MYO1F: variants seen among roughly 807,000 people sequenced by gnomAD.
The protein encoded by MYO1F is myosin IF.
MYO1F carries 60 observed loss-of-function variants against 146.6 expected under a neutral mutation model. The observed-to-expected ratio is 0.41, with a 90% confidence interval of 0.33 to 0.51. MYO1F has a LOEUF of 0.51. Ranked by LOEUF, MYO1F falls within the 20% of genes least tolerant of loss-of-function variation. MYO1F has a pLI of 0.25. For synonymous variants in MYO1F, 602 were observed against 602.1 expected (o/e 1.00, Z 0.00); for missense variants, 1,274 against 1,534.3 (o/e 0.83, Z 2.83).
At chr19:8,562,163 C>T (rs866406413) in intron 1 of MYO1F, among the ~76,000 whole-genome samples, 4,032 of 145,168 alleles carry the variant, frequency 0.028, 205 homozygotes, top group African/African-American at 0.096. Flanking sequence ...CTAATTTTTT[C>T]TTTTTTTTTT....
intron 16 of MYO1F, among the ~76,000 whole-genome samples, chr19:8,538,172 G>A (rs555201186): frequency 6.6e-6 from 1 of 151,144 alleles, no homozygotes; most frequent in East Asian, 2.0e-4. Context: ...CACCATGTTG[G>A]CTGGGCTGGT....
rs755895884 is a variant in MYO1F, at chr19:8,525,451, G to A, written c.2854+28C>T. 4 of 1,597,218 alleles carry A rather than the reference G, an allele frequency of 2.5e-6. No homozygotes were observed. The African/African-American group carries it at 4.0e-5, about 16-fold the overall frequency. On this transcript the variant is annotated intron_variant, in intron 25 of 27. Coordinates refer to ENST00000644032, the MANE Select transcript of MYO1F (RefSeq NM_012335.4). ...GCCATGGGACCCACAACAGACAAGG[G>A]AATATAGCAAGGGACGCAGCTCCTC...
chr19:8,546,253 G>A (rs2145899755), intron 12 of MYO1F, among the ~76,000 whole-genome samples: 2 of 151,568 alleles, frequency 1.3e-5, no homozygotes, highest in Middle Eastern at 6.8e-3. Flanking sequence ...TAGTAGAGAT[G>A]GGGTTTCTCC....
chr19:8,560,565 T>G (rs1974048543), intron 1 of MYO1F, among the ~76,000 whole-genome samples: 1 of 151,658 alleles, frequency 6.6e-6, no homozygotes. Flanking sequence ...TGAGAAGGAT[T>G]TTTTTGTTTT....
intron 1 of MYO1F, among the ~76,000 whole-genome samples, chr19:8,574,039 C>G (rs1037325844): frequency 6.6e-6 from 1 of 152,100 alleles, no homozygotes; most frequent in Non-Finnish European, 1.5e-5. Flanking sequence ...CAAATGAACG[C>G]TACTACCAAC....
chr19:8,577,382 C>T lies in MYO1F; in HGVS notation c.-73G>A, dbSNP rs1555734108. On this transcript the variant is annotated 5_prime_UTR_variant, in exon 1 of 28. Coordinates refer to ENST00000644032, the MANE Select transcript of MYO1F (RefSeq NM_012335.4). The surrounding 1 kb of genome is among the most constrained non-coding windows in gnomAD (Gnocchi z 4.3). ...GATGGAGGTGCAGGTTCAGGGGGAT[C>T]TTGGGGGTGGCTTGGGCATGGCCCT... is the stretch of plus-strand genomic sequence containing the variant. 2.5e-6 allele frequency: 4 copies of T among 1,577,978 alleles called. No individual in the cohort carries two copies. In the Admixed American group the frequency reaches 6.7e-5, roughly 27 times the overall value.
intron 19 of MYO1F, among the ~76,000 whole-genome samples, chr19:8,533,762 G>T (rs1972590093): frequency 6.6e-6 from 1 of 152,154 alleles, no homozygotes; most frequent in African/African-American, 2.4e-5. Flanking sequence ...GTTGTGTTAA[G>T]CCATGGAGTT....
chr19:8,555,423 A>G, intron 2 of MYO1F: 1 of 425,708 alleles, frequency 2.3e-6, no homozygotes, highest in African/African-American at 2.1e-5. Context: ...ACAGGGTTGG[A>G]TCCGGAATGG....
chr19:8,528,088 G>C (rs557884887), intron 21 of MYO1F, among the ~76,000 whole-genome samples: 1 of 152,194 alleles, frequency 6.6e-6, no homozygotes, highest in East Asian at 1.9e-4. Context: ...TGGGCGAGGT[G>C]GTGGGCACCT....
intron 14 of MYO1F, 134 bp from the exon 15 acceptor site, chr19:8,542,125 A>G (rs1179801743): frequency 4.4e-6 from 3 of 678,492 alleles, no homozygotes; most frequent in Non-Finnish European, 8.0e-6. Context: ...GGCAGTGTCT[A>G]CAGCGCTGGC....
At chr19:8,567,471 C>T (rs940116775) in intron 1 of MYO1F, among the ~76,000 whole-genome samples, 5 of 152,164 alleles carry the variant, frequency 3.3e-5, no homozygotes, top group African/African-American at 7.2e-5. Flanking sequence ...TGGGTTCAAG[C>T]GATTCTCCTG....
intron 1 of MYO1F, among the ~76,000 whole-genome samples, chr19:8,558,090 G>A (rs767491659): frequency 2.0e-5 from 3 of 152,012 alleles, no homozygotes; most frequent in Non-Finnish European, 4.4e-5. Context: ...CCTTCACCTT[G>A]CCCCTCAGCA....
chr19:8,523,328 T>G (rs182878028), intron 25 of MYO1F, among the ~76,000 whole-genome samples: 161 of 152,128 alleles, frequency 1.1e-3, no homozygotes, highest in African/African-American at 3.7e-3. Flanking sequence ...CCACCGCGCC[T>G]GGCCAATTAT....
chr19:8,546,221 C>T (rs139197999), intron 12 of MYO1F, among the ~76,000 whole-genome samples: 117 of 151,878 alleles, frequency 7.7e-4, no homozygotes, highest in Middle Eastern at 6.8e-3. Flanking sequence ...TGTGCCACCA[C>T]GCCGGACTAA....
At chr19:8,574,656 CTTTCTT>C (rs2042197378) in intron 1 of MYO1F, among the ~76,000 whole-genome samples, 1 of 128,612 alleles carries the variant, frequency 7.8e-6, no homozygotes, top group African/African-American at 2.8e-5. Flanking sequence ...CTTTCTTTCT[CTTTCTT>C]CTTTCTCTCT....
intron 22 of MYO1F, 41 bp downstream of exon 22, chr19:8,527,297 A>C: frequency 1.2e-6 from 2 of 1,613,366 alleles, no homozygotes. Flanking sequence ...GCCAGGGGAC[A>C]GGTGAGAGTG....
At chr19:8,561,359 T>TCCCC (rs1974094782) in intron 1 of MYO1F, among the ~76,000 whole-genome samples, 3 of 69,500 alleles carry the variant, frequency 4.3e-5, no homozygotes, top group Non-Finnish European at 6.2e-5. Flanking sequence ...ATTCCCTCCC[T>TCCCC]CCCTCCCTCC....
chr19:8,528,880 T>TGAGGGTGTACCTGGTAG (rs1386709834), intron 21 of MYO1F, among the ~76,000 whole-genome samples: 1 of 152,056 alleles, frequency 6.6e-6, no homozygotes, highest in Non-Finnish European at 1.5e-5. Context: ...GGAAGGCAGG[T>TGAGGGTGTACCTGGTAG]GAGGGTGTAC....
rs1568346840 is a variant in MYO1F, at chr19:8,541,997, G to A, written c.1525-6C>T. 6.2e-7 allele frequency: 1 copy of A among 1,612,518 alleles called. No individual in the cohort carries two copies. On this transcript the variant is annotated splice_region_variant and splice_polypyrimidine_tract_variant and intron_variant, in intron 14 of 27. Coordinates refer to ENST00000644032, the MANE Select transcript of MYO1F (RefSeq NM_012335.4). ...CCGCTGACGTCGTAGGAGACCTGGA[G>A]GGGACAGTGCTGAGGACAGTGAGGG...
Sources: gnomAD v4.1 joint callset for allele counts (sites outside exome capture counted in the v4.1 genomes callset) on GRCh38, gnomAD v4.1.1 for gene constraint, Gnocchi (gnomAD v3.1) non-coding constraint, MANE v1.5 for transcripts, NCBI Gene and HGNC (gene_info 2026-07-23, HGNC 2026-07-21) for gene names.